Variants in RALYL observed in about 807,000 individuals in gnomAD.
RALYL encodes the protein RNA-binding Raly-like protein.
A neutral mutation model predicts 35.1 loss-of-function variants in RALYL; 29 were observed. The observed-to-expected ratio is 0.83, with a 90% confidence interval of 0.61 to 1.13. The LOEUF (loss-of-function observed/expected upper bound fraction) is 1.13. Among genes scored for constraint, RALYL ranks in the 50% most tolerant of loss-of-function variants. RALYL has a pLI of 0.00. For missense variants in RALYL, 359 were observed against 360.4 expected (o/e 1.00, Z 0.03); for synonymous variants, 120 against 127.6 (o/e 0.94, Z 0.40).
At chr8:84,669,756 C>A (rs1193089444) in intron 2 of RALYL, among the ~76,000 whole-genome samples, 1 of 152,006 alleles carries the variant, frequency 6.6e-6, no homozygotes, top group Non-Finnish European at 1.5e-5. Flanking sequence ...ACTTCCATTA[C>A]TAATGGAGAA....
intron 1 of RALYL, among the ~76,000 whole-genome samples, chr8:84,250,563 TTTGA>T (rs1829989429): frequency 6.6e-6 from 1 of 151,846 alleles, no homozygotes; most frequent in South Asian, 2.1e-4. Flanking sequence ...TGGACAAAAC[TTTGA>T]TTGGTATATT....
rs577633288 is a variant in RALYL, at chr8:84,582,921, A to C, written c.256+53344A>C. Among the ~76,000 whole-genome samples the C allele has an allele frequency of 1.4e-3, 206 of 152,098 alleles. 2 individuals are homozygous for C. The highest frequency in any genetic ancestry group is 7.4e-5 in the Non-Finnish European group (5 of 67,964). On this transcript the variant is annotated intron_variant, in intron 2 of 8. Transcript: ENST00000521268. The stretch of plus-strand genomic sequence containing the variant: ...ACAATGCTTTTATAAACTAAAAGTT[A>C]GATATAGTTTGGGATGCTGTGAGAT...
chr8:84,433,204 A>C (rs1167428779), intron 1 of RALYL, among the ~76,000 whole-genome samples: 2 of 152,148 alleles, frequency 1.3e-5, no homozygotes, highest in African/African-American at 4.8e-5. Flanking sequence ...TCAGGAGACA[A>C]ATATGTGCCT....
chr8:84,886,303 T>C (rs2135410464), intron 7 of RALYL, among the ~76,000 whole-genome samples: 1 of 151,702 alleles, frequency 6.6e-6, no homozygotes, highest in African/African-American at 2.4e-5. Flanking sequence ...TTTATATCAG[T>C]TTGTTGATTT....
At chr8:84,372,420 A>G (rs1855901724) in intron 1 of RALYL, among the ~76,000 whole-genome samples, 1 of 152,028 alleles carries the variant, frequency 6.6e-6, no homozygotes, top group African/African-American at 2.4e-5. Flanking sequence ...TGCATGTGGT[A>G]GCAGCAGCAG....
At chr8:84,588,351 G>A (rs759088996) in intron 2 of RALYL, among the ~76,000 whole-genome samples, 3 of 152,216 alleles carry the variant, frequency 2.0e-5, no homozygotes, top group Non-Finnish European at 2.9e-5. Flanking sequence ...ATTATGTGTT[G>A]GCTCACTCAG....
rs529173496 is a variant in RALYL at position 84,582,392 on chromosome 8, A to T, written c.256+52815A>T. Among the ~76,000 whole-genome samples, 121 of 152,160 alleles carry T rather than the reference A, an allele frequency of 8.0e-4. 1 individual carries two copies. The highest frequency in any genetic ancestry group is 2.6e-3 in the African/African-American group (107 of 41,538). On this transcript the variant is annotated intron_variant, in intron 2 of 8. Coordinates refer to ENST00000521268, the MANE Select transcript of RALYL (RefSeq NM_173848.7). ...ATTTTCACAACAGTTCAAATGCATGATCTGTAATGAATCATACCATATTGG... is the reference window on the plus strand; with the variant it reads ...ATTTTCACAACAGTTCAAATGCATGTTCTGTAATGAATCATACCATATTGG...
At chr8:84,380,242 C>T (rs1336510592) in intron 1 of RALYL, among the ~76,000 whole-genome samples, 1 of 151,804 alleles carries the variant, frequency 6.6e-6, no homozygotes, top group Admixed American at 6.6e-5. Flanking sequence ...TACCTATGTC[C>T]CAGGTTCCCT....
chr8:84,801,937 A>G (rs2133979707), intron 3 of RALYL, among the ~76,000 whole-genome samples: 1 of 152,312 alleles, frequency 6.6e-6, no homozygotes, highest in African/African-American at 2.4e-5. Flanking sequence ...CTGAATTTCT[A>G]AATCTAGGAA....
chr8:84,523,806 C>A (rs1360469735), intron 1 of RALYL, among the ~76,000 whole-genome samples: 5 of 151,756 alleles, frequency 3.3e-5, no homozygotes, highest in East Asian at 3.9e-4. Flanking sequence ...GAGAATGATG[C>A]TTTCCAATTT....
At chr8:84,228,565 T>G (rs1207929636) in intron 1 of RALYL, among the ~76,000 whole-genome samples, 1 of 152,164 alleles carries the variant, frequency 6.6e-6, no homozygotes, top group African/African-American at 2.4e-5. Flanking sequence ...CTTCTATATG[T>G]CTTAGGATAG....
chr8:84,216,076 A>G (rs1001374162), intron 1 of RALYL, among the ~76,000 whole-genome samples: 20 of 152,080 alleles, frequency 1.3e-4, no homozygotes, highest in African/African-American at 4.3e-4. Context: ...AAGGCACATG[A>G]CCTCTTTTCA....
At chr8:84,809,796 T>C (rs1825504242) in intron 4 of RALYL, among the ~76,000 whole-genome samples, 1 of 152,148 alleles carries the variant, frequency 6.6e-6, no homozygotes, top group African/African-American at 2.4e-5. Flanking sequence ...CCTTAAATGA[T>C]CTTTCGTATT....
chr8:84,264,577 GT>G (rs1210697621), intron 1 of RALYL, among the ~76,000 whole-genome samples: 1 of 150,628 alleles, frequency 6.6e-6, no homozygotes, highest in African/African-American at 2.4e-5. Context: ...TCTGATGATA[GT>G]TTCTTTGGCT....
At chr8:84,476,739 G>A (rs768127474) in intron 1 of RALYL, among the ~76,000 whole-genome samples, 23 of 152,202 alleles carry the variant, frequency 1.5e-4, no homozygotes, top group African/African-American at 4.1e-4. Context: ...CTTCTGATGT[G>A]TTAATGATTT....
intron 1 of RALYL, among the ~76,000 whole-genome samples, chr8:84,272,195 C>A (rs927157971): frequency 6.6e-6 from 1 of 151,994 alleles, no homozygotes; most frequent in East Asian, 1.9e-4. Context: ...CAGGTTCAAG[C>A]GATTCTCCTG....
intron 2 of RALYL, among the ~76,000 whole-genome samples, chr8:84,685,786 A>G (rs181213798): frequency 6.6e-6 from 1 of 152,182 alleles, no homozygotes; most frequent in Non-Finnish European, 1.5e-5. Flanking sequence ...GTGTGTGTGA[A>G]TAGTTAAGAA....
chr8:84,759,073 T>C (rs1812090988), intron 2 of RALYL, among the ~76,000 whole-genome samples: 2 of 152,114 alleles, frequency 1.3e-5, no homozygotes, highest in African/African-American at 2.4e-5. Flanking sequence ...AAGCCAACAA[T>C]GGTGGGTTGA....
intron 4 of RALYL, among the ~76,000 whole-genome samples, chr8:84,818,712 G>GTGA (rs1236082941): frequency 2.6e-5 from 4 of 152,206 alleles, no homozygotes; most frequent in African/African-American, 9.6e-5. Flanking sequence ...CAACTGAAGA[G>GTGA]TGATATTATC....
Sources: allele counts gnomAD v4.1 joint callset (sites outside exome capture counted in the v4.1 genomes callset), GRCh38; gene constraint gnomAD v4.1.1; transcripts MANE v1.5; gene names NCBI Gene and HGNC (gene_info 2026-07-23, HGNC 2026-07-21).